SLC9A9: variants seen among roughly 807,000 people sequenced by gnomAD.
The protein encoded by SLC9A9 is solute carrier family 9 member A9.
In SLC9A9, 62 loss-of-function variants were observed where a neutral mutation model predicts 77.8. That is an observed-to-expected ratio of 0.80 (90% CI 0.65 to 0.98). The LOEUF (loss-of-function observed/expected upper bound fraction) is 0.98. Ranked by LOEUF, SLC9A9 falls within the 50% of genes least tolerant of loss-of-function variation. The probability of loss-of-function intolerance (pLI) is 0.00; values close to 1 mark genes in which losing one functional copy is unlikely to be tolerated. For synonymous variants in SLC9A9, 320 were observed against 283.5 expected, an observed-to-expected ratio of 1.13 and a Z score of -1.29; for missense variants, 775 against 774.9, an observed-to-expected ratio of 1.00 and a Z score of 0.00.
intron 4 of SLC9A9, among the ~76,000 whole-genome samples, chr3:143,729,307 T>G (rs989301210): frequency 6.6e-6 from 1 of 152,204 alleles, no homozygotes. Context: ...ATTTCAGCCA[T>G]GAAGTCTTGG....
chr3:143,464,631 G>T (rs979609198), intron 12 of SLC9A9, among the ~76,000 whole-genome samples: 1 of 152,108 alleles, frequency 6.6e-6, no homozygotes, highest in Non-Finnish European at 1.5e-5. Flanking sequence ...CTCCACTAGC[G>T]GTAGGAAGTC....
intron 6 of SLC9A9, among the ~76,000 whole-genome samples, chr3:143,645,143 C>G (rs946169712): frequency 6.6e-6 from 1 of 152,100 alleles, no homozygotes; most frequent in Admixed American, 6.6e-5. Context: ...AAACGTCTCC[C>G]CATCTGCTTC....
chr3:143,325,075 CA>C (rs1296288633), intron 14 of SLC9A9, among the ~76,000 whole-genome samples: 9 of 137,574 alleles, frequency 6.5e-5, no homozygotes, highest in African/African-American at 2.5e-4. Flanking sequence ...TCTTATTAAC[CA>C]GAAAAAAAAA....
At chr3:143,437,811 T>C (rs538776792) in intron 12 of SLC9A9, among the ~76,000 whole-genome samples, 44 of 152,312 alleles carry the variant, frequency 2.9e-4, no homozygotes, top group African/African-American at 1.0e-3. Flanking sequence ...TGAGTGTTCA[T>C]GAAATGATTT....
chr3:143,601,944 C>A (rs1256773564), intron 6 of SLC9A9, among the ~76,000 whole-genome samples: 2 of 152,010 alleles, frequency 1.3e-5, no homozygotes, highest in African/African-American at 4.8e-5. Context: ...ATCATCACTG[C>A]ACTCACACTC....
intron 4 of SLC9A9, among the ~76,000 whole-genome samples, chr3:143,761,644 C>A (rs780535006): frequency 5.3e-5 from 8 of 152,084 alleles, no homozygotes; most frequent in Non-Finnish European, 1.0e-4. Flanking sequence ...CAATGAGATA[C>A]CATCTCATAC....
chr3:143,423,605 G>A (rs977052605), intron 12 of SLC9A9, among the ~76,000 whole-genome samples: 1 of 152,148 alleles, frequency 6.6e-6, no homozygotes, highest in African/African-American at 2.4e-5. Context: ...ACAAATGAAA[G>A]TCCATTTAAT....
At chr3:143,364,922 CATTCAG>C (rs2032858532) in intron 13 of SLC9A9, among the ~76,000 whole-genome samples, 2 of 152,314 alleles carry the variant, frequency 1.3e-5, no homozygotes, top group South Asian at 4.1e-4. Flanking sequence ...CTGTGCTAAT[CATTCAG>C]GAAAGGATGG....
Position 143,791,760 on chromosome 3 carries a change from C to T in SLC9A9, c.533+3241G>A, listed in dbSNP as rs562071792. Reference sequence around the variant, plus strand: ...TCTAACTTCTATTCTGAATCTCTCCCCCTGCCCATTTCATGCAAATCTGCG... The same window carrying T: ...TCTAACTTCTATTCTGAATCTCTCCTCCTGCCCATTTCATGCAAATCTGCG... On this transcript the variant is annotated intron_variant, in intron 4 of 15. Coordinates refer to ENST00000316549, the MANE Select transcript of SLC9A9 (RefSeq NM_173653.4). Among the ~76,000 whole-genome samples the T allele has an allele frequency of 1.1e-4, 16 of 152,250 alleles. No homozygotes were observed. The South Asian group carries it at 3.3e-3, about 32-fold the overall frequency.
intron 8 of SLC9A9, among the ~76,000 whole-genome samples, chr3:143,567,859 T>A (rs974145590): frequency 2.0e-5 from 3 of 152,174 alleles, no homozygotes; most frequent in Non-Finnish European, 4.4e-5. Context: ...AAAGCTTGAT[T>A]CTTTTTGTTC....
chr3:143,405,412 T>C (rs1431503219), intron 12 of SLC9A9, among the ~76,000 whole-genome samples: 1 of 152,184 alleles, frequency 6.6e-6, no homozygotes, highest in Non-Finnish European at 1.5e-5. Flanking sequence ...TCCCATCTTC[T>C]TGGCTGGGCC....
intron 4 of SLC9A9, among the ~76,000 whole-genome samples, chr3:143,778,513 G>A (rs2007770085): frequency 6.6e-6 from 1 of 152,106 alleles, no homozygotes; most frequent in African/African-American, 2.4e-5. Context: ...TTTCAGAACT[G>A]TGTATCAGTG....
At chr3:143,332,004 G>A (rs2108455157) in intron 14 of SLC9A9, among the ~76,000 whole-genome samples, 1 of 152,280 alleles carries the variant, frequency 6.6e-6, no homozygotes, top group East Asian at 1.9e-4. Context: ...AATGAGAACA[G>A]CATGAGCAAA....
intron 14 of SLC9A9, among the ~76,000 whole-genome samples, chr3:143,348,740 A>C (rs1007458644): frequency 2.6e-5 from 4 of 152,224 alleles, no homozygotes; most frequent in African/African-American, 9.6e-5. Context: ...CTATTAAAAA[A>C]CATGGAGAAT....
At chr3:143,838,866 T>C (rs1452830647) in intron 1 of SLC9A9, among the ~76,000 whole-genome samples, 1 of 152,208 alleles carries the variant, frequency 6.6e-6, no homozygotes, top group Non-Finnish European at 1.5e-5. Context: ...AACTGTAAGA[T>C]AGTATTCACA....
Position 143,266,719 on chromosome 3 carries a change from G to T in SLC9A9, c.1921C>A (p.Gln641Lys). The T allele has an allele frequency of 6.2e-7, 1 of 1,614,060 alleles. No individual in the cohort carries two copies. Among genetic ancestry groups the T allele is most frequent in the South Asian group, 1.1e-5 (1 of 91,038 alleles). Residue 641 changes from glutamine to lysine, a missense_variant, in exon 16 of 16, where the codon CAA (glutamine) becomes AAA (lysine). Transcript: ENST00000316549. ...YELKLEQTLG[Q>K]SQLN The stretch of plus-strand genomic sequence containing the variant: ...CATGCCAATTAATTCAACTGGGATT[G>T]ACCCAAAGTTTGCTCAAGCTTGAGT...
chr3:143,769,356 CCTTG>C lies in SLC9A9; in HGVS notation c.533+25641_533+25644del, dbSNP rs148333940. On this transcript the variant is annotated intron_variant, in intron 4 of 15. Coordinates refer to ENST00000316549, the MANE Select transcript of SLC9A9 (RefSeq NM_173653.4). ...CAGAAATCTAACTTCTCTTTATTCCCCTTGATGGATTCATGTAATCTCTACCCAT... is the reference window on the plus strand; with the variant it reads ...CAGAAATCTAACTTCTCTTTATTCCCATGGATTCATGTAATCTCTACCCAT... 3.3e-3 allele frequency among the ~76,000 whole-genome samples: 501 copies of C among 152,176 alleles called. 1 individual carries two copies. The highest frequency in any genetic ancestry group is 0.014 in the Middle Eastern group (4 of 294).
intron 12 of SLC9A9, among the ~76,000 whole-genome samples, chr3:143,422,133 T>C (rs1427857745): frequency 6.6e-6 from 1 of 152,192 alleles, no homozygotes; most frequent in Non-Finnish European, 1.5e-5. Flanking sequence ...AGGGAACTCA[T>C]ACACTGTAGA....
chr3:143,474,098 G>T (rs2035425418), intron 11 of SLC9A9, among the ~76,000 whole-genome samples: 1 of 152,162 alleles, frequency 6.6e-6, no homozygotes, highest in Non-Finnish European at 1.5e-5. Context: ...GAAGCCATCT[G>T]GGTATCTGGA....
Sources: gnomAD v4.1 joint callset for allele counts (sites outside exome capture counted in the v4.1 genomes callset) on GRCh38, gnomAD v4.1.1 for gene constraint, MANE v1.5 for transcripts, NCBI Gene and HGNC (gene_info 2026-07-23, HGNC 2026-07-21) for gene names.